The following PCDH7 variants were observed in gnomAD, a reference collection of about 807,000 sequenced individuals.
PCDH7 encodes protocadherin-7.
PCDH7 carries 17 observed loss-of-function variants against 58.9 expected under a neutral mutation model. The observed-to-expected ratio is 0.29, with a 90% confidence interval of 0.20 to 0.43. PCDH7 has a LOEUF of 0.43. Ranked by LOEUF, PCDH7 falls within the 20% of genes least tolerant of loss-of-function variation. The pLI is 1.00. For missense variants in PCDH7, 1,274 were observed against 1,441.0 expected (o/e 0.88, Z 1.88); for synonymous variants, 664 against 616.4 (o/e 1.08, Z -1.14).
chr4:30,998,240 G>A (rs554847636), intron 3 of PCDH7, among the ~76,000 whole-genome samples: 3 of 152,146 alleles, frequency 2.0e-5, no homozygotes, highest in South Asian at 4.1e-4. Flanking sequence ...GTAGATCATG[G>A]TAGATGAAAA....
At chr4:30,786,271 C>T (rs1723379741) in intron 1 of PCDH7, among the ~76,000 whole-genome samples, 1 of 152,060 alleles carries the variant, frequency 6.6e-6, no homozygotes, top group East Asian at 1.9e-4. Context: ...AGGGTGTGAA[C>T]ATTCAGATCA....
intron 3 of PCDH7, among the ~76,000 whole-genome samples, chr4:31,093,258 T>C (rs913307735): frequency 1.3e-5 from 2 of 152,156 alleles, no homozygotes; most frequent in African/African-American, 4.8e-5. Context: ...AACATCCATT[T>C]TCATTACATT....
chr4:30,853,274 C>T (rs552079832), intron 1 of PCDH7, among the ~76,000 whole-genome samples: 1 of 152,210 alleles, frequency 6.6e-6, no homozygotes, highest in South Asian at 2.1e-4. Flanking sequence ...CTAAAATGTG[C>T]TACCAATCTC....
chr4:30,759,233 C>A (rs757328361), intron 1 of PCDH7, among the ~76,000 whole-genome samples: 1 of 152,078 alleles, frequency 6.6e-6, no homozygotes, highest in Non-Finnish European at 1.5e-5. Flanking sequence ...TGAGCCACTG[C>A]GCCTGGCCTC....
chr4:30,827,444 T>A (rs1729244272), intron 1 of PCDH7, among the ~76,000 whole-genome samples: 1 of 152,184 alleles, frequency 6.6e-6, no homozygotes, highest in Non-Finnish European at 1.5e-5. Context: ...TATTCACACA[T>A]GACTTTCAGT....
At chr4:30,772,059 G>C (rs921903366) in intron 1 of PCDH7, among the ~76,000 whole-genome samples, 1 of 151,878 alleles carries the variant, frequency 6.6e-6, no homozygotes, top group East Asian at 1.9e-4. Flanking sequence ...TAGTAGAGAT[G>C]GGGTCTCACC....
chr4:30,938,744 C>A (rs1480797411), intron 2 of PCDH7, among the ~76,000 whole-genome samples: 2 of 151,738 alleles, frequency 1.3e-5, no homozygotes, highest in African/African-American at 4.8e-5. Flanking sequence ...TAATAAATGG[C>A]CAGTATAAAA....
chr4:30,920,004 T>C, intron 1 of PCDH7, 149 bp from the exon 2 acceptor site: 1 of 441,346 alleles, frequency 2.3e-6, no homozygotes, highest in South Asian at 2.1e-5. Context: ...AGATAATACA[T>C]AGTTAACTAA....
Position 31,141,019 on chromosome 4 carries a change from G to A in PCDH7, c.*8-1454G>A, listed in dbSNP as rs544020842. ...ACGCTGTTTCAATAATCGATGGGCC[G>A]ACAAATGTCAATACTTCAGTTACCC... On this transcript the variant is annotated intron_variant, in intron 3 of 3. Transcript: ENST00000509759. Among the ~76,000 whole-genome samples the A allele has an allele frequency of 5.9e-5, 9 of 152,204 alleles. No individual in the cohort carries two copies. The South Asian group carries it at 1.9e-3, about 32-fold the overall frequency.
At chr4:31,061,126 G>A (rs1757657815) in intron 3 of PCDH7, among the ~76,000 whole-genome samples, 1 of 151,502 alleles carries the variant, frequency 6.6e-6, no homozygotes, top group African/African-American at 2.4e-5. Flanking sequence ...GATTTCTATG[G>A]GATATGAAAT....
intron 1 of PCDH7, among the ~76,000 whole-genome samples, chr4:30,778,546 A>G (rs1319878143): frequency 6.6e-6 from 1 of 152,202 alleles, no homozygotes; most frequent in South Asian, 2.1e-4. Flanking sequence ...CTTCAAAAAT[A>G]AAAGGAGATT....
At chr4:30,801,296 A>G (rs1231701678) in intron 1 of PCDH7, among the ~76,000 whole-genome samples, 1 of 152,236 alleles carries the variant, frequency 6.6e-6, no homozygotes, top group Non-Finnish European at 1.5e-5. Context: ...TAAACAATTT[A>G]TTTACACTTA....
At chr4:30,976,884 A>G (rs1015025408) in intron 3 of PCDH7, among the ~76,000 whole-genome samples, 10 of 152,158 alleles carry the variant, frequency 6.6e-5, no homozygotes, top group African/African-American at 1.9e-4. Flanking sequence ...AAATTGTTTT[A>G]TTTCATTAAA....
At chr4:31,084,436 T>C (rs1712047200) in intron 3 of PCDH7, among the ~76,000 whole-genome samples, 2 of 151,502 alleles carry the variant, frequency 1.3e-5, no homozygotes, top group South Asian at 4.2e-4. Flanking sequence ...TGAATACGAG[T>C]GTAGTGTGTT....
At chr4:30,850,824 G>C (rs1178548061) in intron 1 of PCDH7, among the ~76,000 whole-genome samples, 3 of 151,980 alleles carry the variant, frequency 2.0e-5, no homozygotes, top group Admixed American at 2.0e-4. Context: ...CACTATGTCG[G>C]CTCCATGAGG....
At chr4:31,129,227 G>T (rs16867994) in intron 3 of PCDH7, among the ~76,000 whole-genome samples, 9,015 of 152,168 alleles carry the variant, frequency 0.059, 677 homozygotes, top group East Asian at 0.29. Context: ...TTCAGTGCCA[G>T]ACATTAAGTG....
chr4:30,769,781 C>T (rs1488939965), intron 1 of PCDH7, among the ~76,000 whole-genome samples: 1 of 152,146 alleles, frequency 6.6e-6, no homozygotes, highest in African/African-American at 2.4e-5. Context: ...AGAGTTTACA[C>T]TGTTCATCAG....
At chr4:30,766,330 G>C (rs1382795217) in intron 1 of PCDH7, among the ~76,000 whole-genome samples, 1 of 152,008 alleles carries the variant, frequency 6.6e-6, no homozygotes, top group African/African-American at 2.4e-5. Flanking sequence ...AGGAGTTTGA[G>C]ACCAACCTGG....
At chr4:30,875,277 CCTT>C (rs927420793) in intron 1 of PCDH7, among the ~76,000 whole-genome samples, 3 of 151,974 alleles carry the variant, frequency 2.0e-5, no homozygotes, top group South Asian at 4.2e-4. Flanking sequence ...CAAATTCCCC[CCTT>C]CTTAAGGACT....
Sources: gnomAD v4.1 joint callset for allele counts (sites outside exome capture counted in the v4.1 genomes callset) on GRCh38, gnomAD v4.1.1 for gene constraint, MANE v1.5 for transcripts, NCBI Gene and HGNC (gene_info 2026-07-23, HGNC 2026-07-21) for gene names.